Variants in CDH4 observed in about 807,000 individuals in gnomAD.
The protein encoded by CDH4 is cadherin 4, also known as cadherin-4.
A neutral mutation model predicts 86.0 loss-of-function variants in CDH4; 33 were observed. That is an observed-to-expected ratio of 0.38 (90% CI 0.29 to 0.51). The LOEUF (loss-of-function observed/expected upper bound fraction) is 0.51. Ranked by LOEUF, CDH4 falls within the 20% of genes least tolerant of loss-of-function variation. CDH4 has a pLI of 0.86. For synonymous variants in CDH4, 555 were observed against 549.4 expected (o/e 1.01, Z -0.14); for missense variants, 1,114 against 1,307.4 (o/e 0.85, Z 2.28).
chr20:61,608,132 G>T (rs767830656), intron 2 of CDH4, among the ~76,000 whole-genome samples: 10 of 152,094 alleles, frequency 6.6e-5, no homozygotes, highest in Non-Finnish European at 1.2e-4. Context: ...GAAGATCCTG[G>T]GCTGCAGGAC....
chr20:61,677,338 G>A (rs2087454435), intron 2 of CDH4, among the ~76,000 whole-genome samples: 1 of 152,212 alleles, frequency 6.6e-6, no homozygotes, highest in African/African-American at 2.4e-5. Context: ...TTTGCAGGCA[G>A]CAAACGTGCT....
Position 61,765,796 on chromosome 20 carries a change from G to A in CDH4, c.397-7207G>A, listed in dbSNP as rs552714145. 3.5e-4 allele frequency among the ~76,000 whole-genome samples: 54 copies of A among 152,186 alleles called. No individual in the cohort carries two copies. In the South Asian group the frequency reaches 0.011, roughly 30 times the overall value. On this transcript the variant is annotated intron_variant, in intron 3 of 15. Transcript: ENST00000614565. ...GCCCCAGGTGCCTGTGGGGGCAAGG[G>A]GACTGGCAGGGCTCCCACCCTCCCA...
At chr20:61,526,728 A>G (rs1044769681) in intron 2 of CDH4, among the ~76,000 whole-genome samples, 2 of 144,488 alleles carry the variant, frequency 1.4e-5, no homozygotes, top group Non-Finnish European at 3.0e-5. Context: ...GATATGAGTG[A>G]TGGGGAGACT....
intron 2 of CDH4, among the ~76,000 whole-genome samples, chr20:61,389,603 C>T (rs896029445): frequency 9.2e-5 from 14 of 152,312 alleles, no homozygotes; most frequent in African/African-American, 3.1e-4. Flanking sequence ...CGCCTCCCAG[C>T]GTCTTCATTG....
chr20:61,315,061 T>A (rs1010602652), intron 2 of CDH4, among the ~76,000 whole-genome samples: 1 of 152,102 alleles, frequency 6.6e-6, no homozygotes, highest in Admixed American at 6.6e-5. Flanking sequence ...CCCAGATGGG[T>A]CTAAACACGA....
chr20:61,790,353 TCATC>T (rs1218760342), intron 4 of CDH4, among the ~76,000 whole-genome samples: 28 of 147,366 alleles, frequency 1.9e-4, no homozygotes, highest in African/African-American at 6.3e-4. Flanking sequence ...ATTTGTCTCT[TCATC>T]CATCCATTCA....
intron 2 of CDH4, among the ~76,000 whole-genome samples, chr20:61,352,789 G>T (rs182690010): frequency 6.6e-6 from 1 of 152,024 alleles, no homozygotes; most frequent in African/African-American, 2.4e-5. Context: ...CTTCCTGGCC[G>T]TCTGCCGCTT....
At chr20:61,655,237 G>T (rs773133906) in intron 2 of CDH4, among the ~76,000 whole-genome samples, 20 of 152,202 alleles carry the variant, frequency 1.3e-4, no homozygotes, top group Non-Finnish European at 2.9e-4. Flanking sequence ...ATCACCAAGG[G>T]TCCTTCTCAG....
At chr20:61,520,549 G>A (rs985131167) in intron 2 of CDH4, among the ~76,000 whole-genome samples, 2 of 152,244 alleles carry the variant, frequency 1.3e-5, no homozygotes, top group African/African-American at 4.8e-5. Context: ...AGCTAAGCAA[G>A]TGAGGGCTCT....
chr20:61,572,682 C>T (rs989839077), intron 2 of CDH4, among the ~76,000 whole-genome samples: 1 of 152,230 alleles, frequency 6.6e-6, no homozygotes, highest in African/African-American at 2.4e-5. Flanking sequence ...CATATTTCCA[C>T]CATCTGGATC....
chr20:61,768,230 G>T (rs77660846), intron 3 of CDH4, among the ~76,000 whole-genome samples: 1 of 152,152 alleles, frequency 6.6e-6, no homozygotes, highest in Non-Finnish European at 1.5e-5. Flanking sequence ...TAAGCAATGC[G>T]TACCTGTGCA....
intron 3 of CDH4, among the ~76,000 whole-genome samples, chr20:61,763,624 C>T (rs1206950291): frequency 6.6e-6 from 1 of 152,158 alleles, no homozygotes; most frequent in Non-Finnish European, 1.5e-5. Flanking sequence ...TGAACCAGCT[C>T]CCATGCCCCG....
intron 2 of CDH4, among the ~76,000 whole-genome samples, chr20:61,698,505 G>T (rs987313451): frequency 5.3e-5 from 8 of 152,260 alleles, no homozygotes; most frequent in Admixed American, 3.9e-4. Context: ...GCAGGTGCCC[G>T]CAGAGGGCAC....
chr20:61,728,002 G>A (rs578081451), intron 2 of CDH4, among the ~76,000 whole-genome samples: 1 of 152,330 alleles, frequency 6.6e-6, no homozygotes, highest in East Asian at 1.9e-4. Flanking sequence ...AGCAGTGTAG[G>A]AAGCACCTGC....
intron 5 of CDH4, among the ~76,000 whole-genome samples, chr20:61,852,403 G>A (rs907771642): frequency 1.3e-5 from 2 of 152,238 alleles, no homozygotes; most frequent in Non-Finnish European, 1.5e-5. Flanking sequence ...CCCCATCCAA[G>A]GGGCACCTGT....
intron 2 of CDH4, among the ~76,000 whole-genome samples, chr20:61,609,230 G>A (rs1308535539): frequency 2.0e-5 from 3 of 152,244 alleles, no homozygotes; most frequent in Non-Finnish European, 4.4e-5. Context: ...CCCGTTGCTT[G>A]TGATGGAATC....
chr20:61,865,500 G>A (rs1269023854), intron 6 of CDH4, among the ~76,000 whole-genome samples: 3 of 151,946 alleles, frequency 2.0e-5, no homozygotes, highest in African/African-American at 7.3e-5. Context: ...ATCCTGGGTG[G>A]TTAGTGTATG....
intron 2 of CDH4, among the ~76,000 whole-genome samples, chr20:61,711,492 G>A (rs761335345): frequency 1.3e-5 from 2 of 152,166 alleles, no homozygotes; most frequent in South Asian, 2.1e-4. Flanking sequence ...CCTGTGTTCC[G>A]ACTCTGCCTT....
chr20:61,506,663 G>C (rs1019681325), intron 2 of CDH4, among the ~76,000 whole-genome samples: 1 of 152,114 alleles, frequency 6.6e-6, no homozygotes, highest in African/African-American at 2.4e-5. Context: ...GAGATGAGTC[G>C]GCCTGCAGGA....
Sources: allele counts gnomAD v4.1 joint callset (sites outside exome capture counted in the v4.1 genomes callset), GRCh38; gene constraint gnomAD v4.1.1; transcripts MANE v1.5; gene names NCBI Gene and HGNC (gene_info 2026-07-23, HGNC 2026-07-21).